Variants in RAB27B observed in about 807,000 individuals in gnomAD.
The protein encoded by RAB27B is RAB27B, member RAS oncogene family.
A neutral mutation model predicts 24.6 loss-of-function variants in RAB27B; 15 were observed. That is an observed-to-expected ratio of 0.61 (90% CI 0.41 to 0.94). RAB27B has a LOEUF of 0.94. Among genes scored for constraint, RAB27B ranks in the 40% least tolerant of loss-of-function variants. RAB27B has a pLI of 0.00. For missense variants in RAB27B, 261 were observed against 266.8 expected (o/e 0.98, Z 0.15); for synonymous variants, 105 against 92.5 (o/e 1.14, Z -0.78).
At chr18:54,722,953 A>G (rs1023779525) in intron 2 of RAB27B, among the ~76,000 whole-genome samples, 7 of 152,240 alleles carry the variant, frequency 4.6e-5, no homozygotes, top group Non-Finnish European at 1.0e-4. Context: ...CAAAAGTCAA[A>G]ACAGAAAACT....
chr18:54,796,253 G>A (rs1006352412), intron 2 of RAB27B, among the ~76,000 whole-genome samples: 4 of 152,156 alleles, frequency 2.6e-5, no homozygotes, highest in Admixed American at 6.5e-5. Context: ...GTGGGTGTCT[G>A]TGACTCCTGA....
chr18:54,863,446 C>G (rs150366352), intron 1 of RAB27B, among the ~76,000 whole-genome samples: 1 of 152,224 alleles, frequency 6.6e-6, no homozygotes, highest in African/African-American at 2.4e-5. Context: ...GGAGGTAGGC[C>G]TGAATAATTA....
Position 54,889,470 on chromosome 18 carries a change from A to T in RAB27B, c.*57A>T, listed in dbSNP as rs1344261134. On this transcript the variant is annotated 3_prime_UTR_variant, in exon 6 of 6. Coordinates refer to ENST00000262094, the MANE Select transcript of RAB27B (RefSeq NM_004163.4). ...CACCAAAATATTACTTTTAAAAACA[A>T]TGACAAACCACACAATTGTTGTTGA... 2.8e-6 allele frequency: 4 copies of T among 1,454,090 alleles called. No individual in the cohort carries two copies. The highest frequency in any genetic ancestry group is 3.7e-6 in the Non-Finnish European group (4 of 1,081,304). 90.1% of individuals were successfully genotyped at this position (1,454,090 alleles called of 1,614,324 possible). A position where few individuals can be genotyped will look rare whatever the true frequency, so the allele number is the denominator to read the frequency against.
At chr18:54,738,915 G>C (rs1318355394) in intron 2 of RAB27B, among the ~76,000 whole-genome samples, 2 of 152,126 alleles carry the variant, frequency 1.3e-5, no homozygotes, top group East Asian at 3.9e-4. Context: ...CTTCAAGATA[G>C]AGAATATTAT....
At chr18:54,775,888 C>T (rs192877528) in intron 2 of RAB27B, among the ~76,000 whole-genome samples, 2 of 152,314 alleles carry the variant, frequency 1.3e-5, no homozygotes, top group African/African-American at 2.4e-5. Context: ...ACCTACTGGG[C>T]GTCTAGGTGC....
chr18:54,753,866 ACACT>A (rs1375123266), intron 2 of RAB27B, among the ~76,000 whole-genome samples: 1 of 152,172 alleles, frequency 6.6e-6, no homozygotes, highest in African/African-American at 2.4e-5. Context: ...GGAGCCATAC[ACACT>A]CACACACTTG....
intron 1 of RAB27B, among the ~76,000 whole-genome samples, chr18:54,841,820 G>A (rs1327675066): frequency 6.6e-6 from 1 of 152,142 alleles, no homozygotes; most frequent in Non-Finnish European, 1.5e-5. Flanking sequence ...TGCCTCCTGA[G>A]TCATTGCCTT....
chr18:54,887,910 T>G, intron 4 of RAB27B, 85 bp from the exon 5 acceptor site: 1 of 1,480,434 alleles, frequency 6.8e-7, no homozygotes, highest in East Asian at 2.3e-5. Context: ...GATAAGCAAT[T>G]AGATCAGGAA....
intron 1 of RAB27B, among the ~76,000 whole-genome samples, chr18:54,842,553 C>T (rs909033447): frequency 6.6e-6 from 1 of 152,106 alleles, no homozygotes; most frequent in African/African-American, 2.4e-5. Context: ...GAAAGATAAA[C>T]AAGATAACCT....
intron 1 of RAB27B, among the ~76,000 whole-genome samples, chr18:54,873,838 C>T (rs758206555): frequency 8.6e-5 from 13 of 152,010 alleles, no homozygotes; most frequent in Non-Finnish European, 1.8e-4. Context: ...AGTGAACTGT[C>T]TCATACCTAG....
chr18:54,849,521 C>T (rs1405986184), intron 1 of RAB27B, among the ~76,000 whole-genome samples: 1 of 152,130 alleles, frequency 6.6e-6, no homozygotes, highest in Non-Finnish European at 1.5e-5. Context: ...GAGTTCGAGA[C>T]CAGCCTGCCC....
At chr18:54,881,167 T>A (rs978829162) in intron 3 of RAB27B, among the ~76,000 whole-genome samples, 17 of 152,164 alleles carry the variant, frequency 1.1e-4, no homozygotes, top group Admixed American at 6.5e-5. Context: ...CATCACTCAA[T>A]GCGCTAGAAG....
chr18:54,736,590 A>G (rs1399480096), intron 2 of RAB27B, among the ~76,000 whole-genome samples: 3 of 152,208 alleles, frequency 2.0e-5, no homozygotes, highest in African/African-American at 7.2e-5. Flanking sequence ...TAACTAATTA[A>G]TAAATTGCAT....
chr18:54,877,770 A>G (rs1402874155), intron 2 of RAB27B, 32 bp downstream of exon 2: 1 of 1,542,432 alleles, frequency 6.5e-7, no homozygotes, highest in African/African-American at 1.4e-5. Flanking sequence ...TAACCTTGTC[A>G]CTCATCCCCC....
At chr18:54,842,747 A>G (rs971658132) in intron 1 of RAB27B, among the ~76,000 whole-genome samples, 1 of 152,154 alleles carries the variant, frequency 6.6e-6, no homozygotes, top group African/African-American at 2.4e-5. Context: ...TTCACCCTCC[A>G]TCCACTAGTT....
At chr18:54,787,815 A>G (rs544183010) in intron 2 of RAB27B, among the ~76,000 whole-genome samples, 3 of 151,952 alleles carry the variant, frequency 2.0e-5, no homozygotes, top group Non-Finnish European at 4.4e-5. Flanking sequence ...CTTTGGCTCC[A>G]TATGTACATG....
chr18:54,836,039 G>A (rs1910880723), intron 1 of RAB27B, among the ~76,000 whole-genome samples: 2 of 151,946 alleles, frequency 1.3e-5, no homozygotes, highest in African/African-American at 4.9e-5. Context: ...GTGAGGAGGA[G>A]ATGAAAAATG....
intron 2 of RAB27B, among the ~76,000 whole-genome samples, chr18:54,821,790 G>T (rs987095579): frequency 3.3e-5 from 5 of 152,334 alleles, no homozygotes; most frequent in Admixed American, 3.3e-4. Context: ...TTTCACGCTT[G>T]TCGCCCAGGC....
At chr18:54,877,526 A>G in intron 1 of RAB27B, 41 bp from the exon 2 acceptor site, 1 of 1,307,056 alleles carries the variant, frequency 7.7e-7, no homozygotes, top group Non-Finnish European at 1.0e-6. Context: ...AAGGAAAATC[A>G]ACTTTAATCA....
Sources: allele counts gnomAD v4.1 joint callset (sites outside exome capture counted in the v4.1 genomes callset), GRCh38; gene constraint gnomAD v4.1.1; transcripts MANE v1.5; gene names NCBI Gene and HGNC (gene_info 2026-07-23, HGNC 2026-07-21).